Variants in DNM2 observed in about 807,000 individuals in gnomAD.
The protein encoded by DNM2 is dynamin 2, also known as dynamin-2.
A neutral mutation model predicts 99.0 loss-of-function variants in DNM2; 15 were observed. The ratio of observed to expected loss-of-function variants is 0.15; its 90% CI spans 0.10 to 0.23. The LOEUF is 0.23. DNM2 is among the 10% of genes least tolerant of loss of function. The pLI, the probability that DNM2 is intolerant of heterozygous loss-of-function variation, is 1.00. For synonymous variants in DNM2, 525 were observed against 481.2 expected (o/e 1.09, Z -1.19); for missense variants, 742 against 1,189.4 (o/e 0.62, Z 5.53).
intron 1 of DNM2, among the ~76,000 whole-genome samples, chr19:10,735,592 C>T (rs916610404): frequency 9.2e-5 from 14 of 151,958 alleles, no homozygotes; most frequent in African/African-American, 3.1e-4. Flanking sequence ...TGGCTCACTG[C>T]GACCTCCGCC....
intron 1 of DNM2, among the ~76,000 whole-genome samples, chr19:10,745,246 C>G (rs1479868072): frequency 2.0e-5 from 3 of 152,182 alleles, no homozygotes; most frequent in African/African-American, 4.8e-5. Context: ...CGGACTAGCT[C>G]CCAAGATTGA....
At chr19:10,735,169 G>A (rs547204666) in intron 1 of DNM2, among the ~76,000 whole-genome samples, 36 of 151,990 alleles carry the variant, frequency 2.4e-4, no homozygotes, top group Non-Finnish European at 4.4e-4. Context: ...TCAGCCTCCC[G>A]AGTAGCTGGG....
intron 1 of DNM2, among the ~76,000 whole-genome samples, chr19:10,722,428 G>T (rs2068968624): frequency 6.6e-6 from 1 of 152,180 alleles, no homozygotes; most frequent in Non-Finnish European, 1.5e-5. Flanking sequence ...TCAGGGGCTG[G>T]CCAGAAGGAA....
rs949677132 is a variant in DNM2 at position 10,817,976 on chromosome 19, T to C, written c.1672-2004T>C. 1.3e-5 allele frequency among the ~76,000 whole-genome samples: 2 copies of C among 151,952 alleles called. No individual in the cohort carries two copies. The highest frequency in any genetic ancestry group is 2.9e-5 in the Non-Finnish European group (2 of 67,950). ...GCTGGAAGCTTCCGGCCGCGTGATA[T>C]GATAGGGTCAGGGCAGCAAAGGCCC... is the stretch of plus-strand genomic sequence containing the variant. On this transcript the variant is annotated intron_variant, in intron 15 of 20. Transcript: ENST00000389253. The surrounding 1 kb of genome is among the most constrained non-coding windows in gnomAD (Gnocchi z 4.6).
chr19:10,783,161 T>C (rs1280186230), intron 6 of DNM2, 41 bp downstream of exon 6: 3 of 1,601,984 alleles, frequency 1.9e-6, no homozygotes. Flanking sequence ...TGGCATAGGC[T>C]GTGCACTGCA....
At chr19:10,738,119 G>A (rs747319598) in intron 1 of DNM2, among the ~76,000 whole-genome samples, 1 of 152,240 alleles carries the variant, frequency 6.6e-6, no homozygotes, top group East Asian at 1.9e-4. Context: ...TAGGCCGGAC[G>A]TGGTGGCTCA....
In DNM2 at chr19:10,775,004, C is replaced by T. The variant is rs1202544371; in HGVS notation, c.386-699C>T. On this transcript the variant is annotated intron_variant, in intron 3 of 20. Transcript: ENST00000389253. This position sits in a 1 kb window ranked among gnomAD's most constrained non-coding sequence, Gnocchi z 4.3. ...CAGGCTGGTTTCGAACTCCTGAGCT[C>T]AAGTGATCTACCCATCATGGCCTCC... is the stretch of plus-strand genomic sequence containing the variant. 6.6e-6 allele frequency among the ~76,000 whole-genome samples: 1 copy of T among 151,702 alleles called. No individual in the cohort carries two copies. The highest frequency in any genetic ancestry group is 1.5e-5 in the Non-Finnish European group (1 of 67,924).
At chr19:10,739,202 G>A (rs2069647263) in intron 1 of DNM2, among the ~76,000 whole-genome samples, 3 of 152,064 alleles carry the variant, frequency 2.0e-5, no homozygotes, top group South Asian at 4.1e-4. Flanking sequence ...AAAGAAGGAC[G>A]TGTTCCCTTG....
At chr19:10,738,746 T>A (rs1179981736) in intron 1 of DNM2, among the ~76,000 whole-genome samples, 2 of 151,848 alleles carry the variant, frequency 1.3e-5, no homozygotes, top group Non-Finnish European at 2.9e-5. Context: ...GGTGGGTGCC[T>A]GTAATCCCAG....
chr19:10,814,432 C>G (rs1170539515), intron 15 of DNM2, among the ~76,000 whole-genome samples: 1 of 152,140 alleles, frequency 6.6e-6, no homozygotes, highest in Non-Finnish European at 1.5e-5. Flanking sequence ...CCATTGCACT[C>G]CAGCCTGGGC....
At chr19:10,726,725 G>A (rs1048126420) in intron 1 of DNM2, among the ~76,000 whole-genome samples, 2 of 152,140 alleles carry the variant, frequency 1.3e-5, no homozygotes, top group Admixed American at 6.6e-5. Flanking sequence ...TTAGCCGGGC[G>A]TGGTGGCAGG....
intron 1 of DNM2, among the ~76,000 whole-genome samples, chr19:10,723,583 T>C (rs2069014004): frequency 1.3e-5 from 2 of 152,220 alleles, no homozygotes; most frequent in African/African-American, 4.8e-5. Flanking sequence ...TTCTTTAAAA[T>C]AGGAGTTATA....
At chr19:10,776,343 C>A (rs1374111317) in intron 4 of DNM2, among the ~76,000 whole-genome samples, 3 of 152,180 alleles carry the variant, frequency 2.0e-5, no homozygotes, top group African/African-American at 4.8e-5. Flanking sequence ...ATGGTGAGAT[C>A]GTCTATTTCC....
chr19:10,738,051 A>C (rs1319831490), intron 1 of DNM2, among the ~76,000 whole-genome samples: 1 of 152,118 alleles, frequency 6.6e-6, no homozygotes, highest in African/African-American at 2.4e-5. Flanking sequence ...CCTGGTTGCC[A>C]CCAAGAGGAG....
intron 1 of DNM2, among the ~76,000 whole-genome samples, chr19:10,751,406 C>T (rs1193957603): frequency 6.6e-6 from 1 of 152,054 alleles, no homozygotes; most frequent in Non-Finnish European, 1.5e-5. Context: ...ATGGGATCAA[C>T]GAGGAGGAAG....
chr19:10,757,795 A>T (rs1401363552), intron 1 of DNM2, among the ~76,000 whole-genome samples: 1 of 151,984 alleles, frequency 6.6e-6, no homozygotes, highest in Non-Finnish European at 1.5e-5. Context: ...ATACAAAAAA[A>T]TTAGCCAGGC....
chr19:10,784,462 G>A (rs186324547), intron 6 of DNM2, among the ~76,000 whole-genome samples: 1 of 152,298 alleles, frequency 6.6e-6, no homozygotes, highest in African/African-American at 2.4e-5. Context: ...GCAGCTGGCT[G>A]GGGCCTCCTG....
rs751445195 is a variant in DNM2 at position 10,777,354 on chromosome 19, T to C, written c.688+138T>C. 6 of 817,504 alleles carry C rather than the reference T, an allele frequency of 7.3e-6. No homozygotes were observed. The African/African-American group carries it at 1.0e-4, about 14-fold the overall frequency. 50.6% of individuals were successfully genotyped at this position (817,504 alleles called of 1,614,324 possible). Reference sequence around the variant, plus strand: ...CGTAACTCCTTCTTTCTTTTCCCTTTGAGCTATGTATCTTTTTCTTCTGAT... The same window carrying C: ...CGTAACTCCTTCTTTCTTTTCCCTTCGAGCTATGTATCTTTTTCTTCTGAT... On this transcript the variant is annotated intron_variant, in intron 5 of 20. Coordinates refer to ENST00000389253, the MANE Select transcript of DNM2 (RefSeq NM_001005361.3).
chr19:10,753,166 C>T, intron 1 of DNM2, among the ~76,000 whole-genome samples: 1 of 152,156 alleles, frequency 6.6e-6, no homozygotes, highest in East Asian at 1.9e-4. Context: ...ATGAAAAGTT[C>T]TCAATGCCTT....
Sources: gnomAD v4.1 joint callset for allele counts (sites outside exome capture counted in the v4.1 genomes callset) on GRCh38, gnomAD v4.1.1 for gene constraint, Gnocchi (gnomAD v3.1) non-coding constraint, MANE v1.5 for transcripts, NCBI Gene and HGNC (gene_info 2026-07-23, HGNC 2026-07-21) for gene names.